RAB3C: variants seen among roughly 807,000 people sequenced by gnomAD.
RAB3C encodes the protein RAB3C, member RAS oncogene family.
Under a neutral mutation model 26.4 loss-of-function variants are expected in RAB3C, and 17 were observed. That is an observed-to-expected ratio of 0.64 (90% CI 0.44 to 0.97). RAB3C has a LOEUF of 0.97. Among genes scored for constraint, RAB3C ranks in the 50% least tolerant of loss-of-function variants. The pLI, the probability that RAB3C is intolerant of heterozygous loss-of-function variation, is 0.00. For synonymous variants in RAB3C, 91 were observed against 95.9 expected (o/e 0.95, Z 0.30); for missense variants, 242 against 281.9 (o/e 0.86, Z 1.01).
In RAB3C at chr5:58,825,120, G is replaced by A. The variant is rs778707684; in HGVS notation, c.454G>A (p.Val152Ile). 2.5e-6 allele frequency: 4 copies of A among 1,613,198 alleles called. No individual in the cohort carries two copies. The Admixed American group carries it at 6.7e-5, about 27-fold the overall frequency. The change falls in exon 4 of 5, where the codon GTC (valine) becomes ATC (isoleucine). Residue 152 changes from valine (V) to isoleucine (I), a missense_variant. By Grantham distance (29) the Val-to-Ile change is conservative. Transcript: ENST00000282878. ...CAAGTGTGACATGGAAGACGAGCGG[G>A]TCATCTCAACTGAGCGAGGTCAACA... ...GNKCDMEDERVISTERGQHLG... is the reference protein window; with the variant it reads ...GNKCDMEDERIISTERGQHLG...
intron 2 of RAB3C, among the ~76,000 whole-genome samples, chr5:58,624,980 CA>C: frequency 6.6e-6 from 1 of 152,106 alleles, no homozygotes; most frequent in East Asian, 1.9e-4. Context: ...CTAATCCTCA[CA>C]AAAACCCTGT....
intron 3 of RAB3C, chr5:58,823,144 G>T: frequency 2.6e-6 from 1 of 380,552 alleles, no homozygotes. Flanking sequence ...ATTACCTAAT[G>T]GAAGCAGATG....
chr5:58,818,589 C>T (rs1743268990), intron 3 of RAB3C, among the ~76,000 whole-genome samples: 1 of 152,210 alleles, frequency 6.6e-6, no homozygotes, highest in African/African-American at 2.4e-5. Context: ...TCTGAGTTAA[C>T]TGCCATTTGC....
intron 2 of RAB3C, among the ~76,000 whole-genome samples, chr5:58,653,299 C>A (rs934407917): frequency 3.9e-5 from 6 of 152,156 alleles, no homozygotes; most frequent in African/African-American, 1.4e-4. Context: ...CAGGAAACAA[C>A]AGATGCTGGA....
intron 3 of RAB3C, among the ~76,000 whole-genome samples, chr5:58,778,617 A>G (rs1742202456): frequency 6.6e-6 from 1 of 152,192 alleles, no homozygotes; most frequent in Non-Finnish European, 1.5e-5. Context: ...ATGAAGCATT[A>G]GGAATGAGCC....
chr5:58,780,351 T>C (rs1243161961), intron 3 of RAB3C, among the ~76,000 whole-genome samples: 1 of 152,174 alleles, frequency 6.6e-6, no homozygotes, highest in Non-Finnish European at 1.5e-5. Flanking sequence ...AATCAAAGCA[T>C]TGTGCCTCGC....
At chr5:58,783,523 G>A (rs1305479854) in intron 3 of RAB3C, among the ~76,000 whole-genome samples, 1 of 152,280 alleles carries the variant, frequency 6.6e-6, no homozygotes, top group African/African-American at 2.4e-5. Flanking sequence ...TTGTGTTTCT[G>A]CTGAAGGGGA....
In RAB3C at chr5:58,851,566, A is replaced by G. The variant is rs1744116321; in HGVS notation, c.*215A>G. The G allele has an allele frequency of 2.4e-6, 1 of 417,396 alleles. No homozygotes were observed. Among genetic ancestry groups the G allele is most frequent in the South Asian group, 9.0e-5 (1 of 11,126 alleles). 25.9% of individuals were successfully genotyped at this position (417,396 alleles called of 1,614,324 possible). A position where few individuals can be genotyped will look rare whatever the true frequency, so the allele number is the denominator to read the frequency against. ...TTATAAGGACTATCCATCTATAAAC[A>G]TCTGGTACCTGCATGTGACTTGTTA... On this transcript the variant is annotated 3_prime_UTR_variant, in exon 5 of 5. Coordinates refer to ENST00000282878, the MANE Select transcript of RAB3C (RefSeq NM_138453.4).
intron 2 of RAB3C, among the ~76,000 whole-genome samples, chr5:58,680,916 T>C (rs898352650): frequency 2.0e-5 from 3 of 152,224 alleles, no homozygotes; most frequent in African/African-American, 7.2e-5. Flanking sequence ...ACTAAAGGGC[T>C]ATTATTCAGC....
intron 3 of RAB3C, chr5:58,823,348 T>A (rs1017179297): frequency 2.3e-5 from 4 of 171,212 alleles, no homozygotes; most frequent in African/African-American, 9.6e-5. Context: ...GGCAAAACCC[T>A]GTTTCTGCAA....
At chr5:58,585,256 AATAG>A (rs1157008203) in intron 1 of RAB3C, among the ~76,000 whole-genome samples, 7 of 152,080 alleles carry the variant, frequency 4.6e-5, no homozygotes, top group South Asian at 2.1e-4. Context: ...AATATGTAAT[AATAG>A]ATAGGATAAA....
At chr5:58,797,349 AAAAAATATGTATATATAT>A (rs1254402102) in intron 3 of RAB3C, among the ~76,000 whole-genome samples, 1,867 of 12,806 alleles carry the variant, frequency 0.15, 68 homozygotes, top group Non-Finnish European at 0.26. Context: ...CAAAAAAAAA[AAAAAATATGTATATATAT>A]AATATATATA....
At chr5:58,601,603 T>C (rs1746458108) in intron 1 of RAB3C, among the ~76,000 whole-genome samples, 1 of 152,162 alleles carries the variant, frequency 6.6e-6, no homozygotes, top group African/African-American at 2.4e-5. Context: ...AATTTATCCA[T>C]CTCTTCTAAG....
At chr5:58,666,525 A>G (rs1748005533) in intron 2 of RAB3C, among the ~76,000 whole-genome samples, 1 of 152,228 alleles carries the variant, frequency 6.6e-6, no homozygotes, top group Admixed American at 6.5e-5. Context: ...CCTTATTTCC[A>G]TAGATTCTGA....
chr5:58,651,752 T>C (rs967269061), intron 2 of RAB3C, among the ~76,000 whole-genome samples: 6 of 152,154 alleles, frequency 3.9e-5, no homozygotes, highest in Admixed American at 6.5e-5. Flanking sequence ...CATTCAGTAG[T>C]AGAGTCGGTA....
chr5:58,679,577 T>C (rs1405388482), intron 2 of RAB3C, among the ~76,000 whole-genome samples: 1 of 152,198 alleles, frequency 6.6e-6, no homozygotes, highest in Non-Finnish European at 1.5e-5. Flanking sequence ...TTCAGTTCTT[T>C]ATAGTCTCAT....
chr5:58,615,281 A>G (rs778279538), intron 1 of RAB3C, among the ~76,000 whole-genome samples: 1 of 152,164 alleles, frequency 6.6e-6, no homozygotes, highest in Non-Finnish European at 1.5e-5. Flanking sequence ...GAGCAGCTCT[A>G]GGAAATATAT....
In RAB3C at chr5:58,851,556, A is replaced by G. The variant is rs952020796; in HGVS notation, c.*205A>G. ...GATCTTAAATTTATAAGGACTATCC[A>G]TCTATAAACATCTGGTACCTGCATG... On this transcript the variant is annotated 3_prime_UTR_variant, in exon 5 of 5. Transcript: ENST00000282878. The G allele has an allele frequency of 2.3e-6, 1 of 432,012 alleles. No individual in the cohort carries two copies. Among genetic ancestry groups the G allele is most frequent in the Non-Finnish European group, 4.1e-6 (1 of 246,878 alleles). The allele number at this position is 432,012 out of a possible 1,614,324, so 26.8% of individuals were successfully genotyped here. A position where few individuals can be genotyped will look rare whatever the true frequency, so the allele number is the denominator to read the frequency against.
intron 2 of RAB3C, among the ~76,000 whole-genome samples, chr5:58,621,552 C>G (rs1224047897): frequency 6.6e-6 from 1 of 152,040 alleles, no homozygotes; most frequent in East Asian, 1.9e-4. Context: ...AAACTTGAGG[C>G]CAGGTTTCAA....
Sources: gnomAD v4.1 joint callset for allele counts (sites outside exome capture counted in the v4.1 genomes callset) on GRCh38, gnomAD v4.1.1 for gene constraint, MANE v1.5 for transcripts, NCBI Gene and HGNC (gene_info 2026-07-23, HGNC 2026-07-21) for gene names.